The following KIF5C variants were observed in gnomAD, a reference collection of about 807,000 sequenced individuals.
KIF5C encodes kinesin family member 5C, also known as kinesin heavy chain isoform 5C.
A neutral mutation model predicts 125.2 loss-of-function variants in KIF5C; 18 were observed. The ratio of observed to expected loss-of-function variants is 0.14; its 90% CI spans 0.10 to 0.21. The LOEUF (loss-of-function observed/expected upper bound fraction) is 0.21. KIF5C is among the 10% of genes least tolerant of loss of function. The probability of loss-of-function intolerance (pLI) is 1.00; values close to 1 mark genes in which losing one functional copy is unlikely to be tolerated. For synonymous variants in KIF5C, 405 were observed against 434.0 expected (o/e 0.93, Z 0.83); for missense variants, 780 against 1,183.8 (o/e 0.66, Z 5.01).
chr2:148,956,432 G>T (rs1278914447), intron 10 of KIF5C, among the ~76,000 whole-genome samples: 1 of 152,184 alleles, frequency 6.6e-6, no homozygotes, highest in Non-Finnish European at 1.5e-5. Context: ...TGTGGCCTCT[G>T]ATCTTTGTCC....
chr2:148,893,079 C>A (rs917556052), intron 1 of KIF5C, among the ~76,000 whole-genome samples: 1 of 152,150 alleles, frequency 6.6e-6, no homozygotes, highest in Non-Finnish European at 1.5e-5. Context: ...GTTTGCTTTA[C>A]GTTTTTAGTA....
intron 8 of KIF5C, 80 bp downstream of exon 8, chr2:148,947,103 T>C (rs1416124387): frequency 6.7e-7 from 1 of 1,489,406 alleles, no homozygotes; most frequent in Non-Finnish European, 8.9e-7. Context: ...TTTTTATGCT[T>C]TTCTATTTTC....
At chr2:148,890,964 C>G (rs1306823901) in intron 1 of KIF5C, among the ~76,000 whole-genome samples, 3 of 152,038 alleles carry the variant, frequency 2.0e-5, no homozygotes, top group Non-Finnish European at 2.9e-5. Flanking sequence ...ATATAGATCA[C>G]CAGATTTCAA....
intron 17 of KIF5C, 127 bp downstream of exon 17, chr2:148,994,665 A>G: frequency 1.7e-6 from 2 of 1,149,184 alleles, no homozygotes; most frequent in Admixed American, 3.7e-5. Flanking sequence ...AAACAAAACC[A>G]TAACTAGAAA....
intron 1 of KIF5C, among the ~76,000 whole-genome samples, chr2:148,901,141 G>A (rs1680886230): frequency 6.6e-6 from 1 of 152,192 alleles, no homozygotes; most frequent in African/African-American, 2.4e-5. Flanking sequence ...AAATCATCTA[G>A]TGGAATACTT....
chr2:148,879,047 C>T (rs937937173), intron 1 of KIF5C: 4 of 152,174 alleles, frequency 2.6e-5, no homozygotes, highest in Non-Finnish European at 5.9e-5. Context: ...TGTTCTCCAT[C>T]ACTCCTGCAG....
chr2:148,929,609 T>TTAGCTAAGCAGTAGTGTGA (rs1419301081), intron 3 of KIF5C, among the ~76,000 whole-genome samples: 2 of 152,256 alleles, frequency 1.3e-5, no homozygotes, highest in African/African-American at 4.8e-5. Context: ...CAATCATTGA[T>TTAGCTAAGCAGTAGTGTGA]TAGCTAAGCA....
intron 1 of KIF5C, among the ~76,000 whole-genome samples, chr2:148,890,272 G>T (rs988958106): frequency 6.6e-6 from 1 of 152,196 alleles, no homozygotes; most frequent in Non-Finnish European, 1.5e-5. Context: ...TTCTACAGGG[G>T]AGAAAAGGTA....
At chr2:149,005,126 G>A (rs953674225) in intron 21 of KIF5C, among the ~76,000 whole-genome samples, 3 of 152,230 alleles carry the variant, frequency 2.0e-5, no homozygotes, top group African/African-American at 7.2e-5. Context: ...GTGAGGAAAT[G>A]TGTGGTTCCA....
chr2:148,883,260 G>C (rs1261284583), intron 1 of KIF5C, among the ~76,000 whole-genome samples: 1 of 152,184 alleles, frequency 6.6e-6, no homozygotes, highest in African/African-American at 2.4e-5. Flanking sequence ...CCAGCACTTT[G>C]GGAGGCCGAG....
intron 10 of KIF5C, among the ~76,000 whole-genome samples, chr2:148,956,158 G>A (rs1044670134): frequency 3.9e-5 from 6 of 152,188 alleles, no homozygotes; most frequent in African/African-American, 1.4e-4. Flanking sequence ...AACTTACGAG[G>A]GTGCCTTCAG....
chr2:148,899,616 T>C (rs1388495413), intron 1 of KIF5C, among the ~76,000 whole-genome samples: 1 of 145,220 alleles, frequency 6.9e-6, no homozygotes, highest in Non-Finnish European at 1.5e-5. Flanking sequence ...GGCAGGAGAA[T>C]CGCTTGATTC....
At position 149,011,658 on chromosome 2, in the gene KIF5C, C is replaced by T. The variant is rs761645914; in HGVS notation, c.2856C>T (p.Ser952=). The T allele has an allele frequency of 9.9e-6, 16 of 1,613,944 alleles. No individual in the cohort carries two copies. In the East Asian group the frequency reaches 2.2e-4, roughly 22 times the overall value. ...IRGGGGSSSN[S]THYQK ...GGGGAGGAGGCAGCTCTTCAAATTC[C>T]ACTCACTACCAGAAATAAATACAAA... is the stretch of plus-strand genomic sequence containing the variant. The change falls in exon 25 of 26, where the codon TCC becomes TCT. Residue 952 remains serine, a synonymous_variant. Transcript: ENST00000435030.
rs1020636365 is a variant in KIF5C, at chr2:148,933,727, G to A, written c.292-3557G>A. Among the ~76,000 whole-genome samples the A allele has an allele frequency of 2.9e-5, 4 of 137,652 alleles. No individual in the cohort carries two copies. In the East Asian group the frequency reaches 8.9e-4, roughly 30 times the overall value. 90.3% of individuals were successfully genotyped at this position (137,652 alleles called of 152,430 possible). A position where few individuals can be genotyped will look rare whatever the true frequency, so the allele number is the denominator to read the frequency against. ...CACACACAGATGCACCACACACCAC[G>A]CCTCCCACATACATCATACACACGC... On this transcript the variant is annotated intron_variant, in intron 3 of 25. Coordinates refer to ENST00000435030, the MANE Select transcript of KIF5C (RefSeq NM_004522.3).
At chr2:148,955,449 C>G (rs898242005) in intron 10 of KIF5C, among the ~76,000 whole-genome samples, 1 of 152,066 alleles carries the variant, frequency 6.6e-6, no homozygotes, top group Non-Finnish European at 1.5e-5. Flanking sequence ...ATGGAGAAGA[C>G]AAAAATTGTG....
At chr2:148,938,252 C>G (rs1001844303) in intron 4 of KIF5C, among the ~76,000 whole-genome samples, 1 of 152,104 alleles carries the variant, frequency 6.6e-6, no homozygotes, top group Non-Finnish European at 1.5e-5. Context: ...GAAATCTAAG[C>G]CCTGTTTTTC....
At chr2:148,912,465 G>A (rs1681379080) in intron 1 of KIF5C, among the ~76,000 whole-genome samples, 1 of 152,226 alleles carries the variant, frequency 6.6e-6, no homozygotes, top group African/African-American at 2.4e-5. Context: ...ATATGTTGGA[G>A]TCAGGGTCTT....
intron 1 of KIF5C, among the ~76,000 whole-genome samples, chr2:148,880,991 G>GGGCATGA (rs1377400009): frequency 2.7e-5 from 4 of 148,048 alleles, no homozygotes; most frequent in African/African-American, 1.0e-4. Context: ...GAGCTTTCCT[G>GGGCATGA]GGCATGAGTT....
At chr2:148,947,135 GTTTCT>G in intron 8 of KIF5C, 112 bp downstream of exon 8, 1 of 1,427,500 alleles carries the variant, frequency 7.0e-7, no homozygotes, top group Non-Finnish European at 9.3e-7. Flanking sequence ...AGCTTTTAAA[GTTTCT>G]GAGGCTCTGC....
Sources: gnomAD v4.1 joint callset for allele counts (sites outside exome capture counted in the v4.1 genomes callset) on GRCh38, gnomAD v4.1.1 for gene constraint, MANE v1.5 for transcripts, NCBI Gene and HGNC (gene_info 2026-07-23, HGNC 2026-07-21) for gene names.